RNF135: variants seen among roughly 807,000 people sequenced by gnomAD.
The protein encoded by RNF135 is ring finger protein 135.
A neutral mutation model predicts 41.9 loss-of-function variants in RNF135; 46 were observed. That is an observed-to-expected ratio of 1.10 (90% CI 0.87 to 1.40). The LOEUF (loss-of-function observed/expected upper bound fraction) is 1.40. RNF135 is among the 40% of genes most tolerant of loss of function. The probability of loss-of-function intolerance (pLI) is 0.00; values close to 1 mark genes in which losing one functional copy is unlikely to be tolerated. For synonymous variants in RNF135, 238 were observed against 223.8 expected, an observed-to-expected ratio of 1.06 and a Z score of -0.57; for missense variants, 539 against 549.8, an observed-to-expected ratio of 0.98 and a Z score of 0.20.
intron 1 of RNF135, among the ~76,000 whole-genome samples, chr17:30,976,326 T>C (rs1260053403): frequency 6.6e-6 from 1 of 152,230 alleles, no homozygotes; most frequent in East Asian, 1.9e-4. Flanking sequence ...TTTTGAATGT[T>C]TTAAGACTTG....
At position 30,999,170 on chromosome 17, in the gene RNF135, A is replaced by T; in HGVS notation, c.1278A>T (p.Ile426=). The change falls in exon 5 of 5, where the codon ATA becomes ATT. Residue 426 remains isoleucine (I), a synonymous_variant. Transcript: ENST00000328381. ...GCTTACATCCTGGAAATTACCTGAT[A>T]ATAAAGCAAGTAAAGGTGTAAGGTT... ...LYGLHPGNYL[I]IKQVKV 1 of 1,613,934 alleles carries T rather than the reference A, an allele frequency of 6.2e-7. No homozygotes were observed.
chr17:30,985,126 G>T (rs1029019097), intron 2 of RNF135, among the ~76,000 whole-genome samples: 7 of 152,228 alleles, frequency 4.6e-5, no homozygotes, highest in Admixed American at 4.6e-4. Flanking sequence ...GAATCTTTTG[G>T]CTTTCCCCCA....
At position 30,971,254 on chromosome 17, in the gene RNF135, A is replaced by G. The variant is rs773836582; in HGVS notation, c.181A>G (p.Thr61Ala). The G allele has an allele frequency of 1.3e-6, 2 of 1,522,048 alleles. No individual in the cohort carries two copies. The highest frequency in any genetic ancestry group is 1.2e-5 in the South Asian group (1 of 82,188). The allele number at this position is 1,522,048 out of a possible 1,614,324, so 94.3% of individuals were successfully genotyped here. A position where few individuals can be genotyped will look rare whatever the true frequency, so the allele number is the denominator to read the frequency against. ...CGACGCCCGCCGCTGGGCCTGCCCC[A>G]CTTGCCGCCAGGGCGCCGCGCAGCA... Reference protein sequence around the residue: ...ARDARRWACPTCRQGAAQQPH... With the variant: ...ARDARRWACPACRQGAAQQPH... Residue 61 changes from threonine (T) to alanine (A), a missense_variant, in exon 1 of 5, where the codon ACT (threonine) becomes GCT (alanine). Physicochemically the swap from Thr to Ala is moderately conservative, Grantham distance 58. This residue lies in a region of RNF135 where 277 missense variants were observed against 212.8 expected (regional missense o/e 1.30). Coordinates refer to ENST00000328381, the MANE Select transcript of RNF135 (RefSeq NM_032322.4).
At chr17:30,996,491 G>A (rs978665875) in intron 3 of RNF135, among the ~76,000 whole-genome samples, 9 of 152,112 alleles carry the variant, frequency 5.9e-5, no homozygotes, top group South Asian at 2.1e-4. Context: ...CTTCAGTTCC[G>A]AGTTGAATTT....
chr17:30,975,292 C>A, intron 1 of RNF135: 1 of 599,950 alleles, frequency 1.7e-6, no homozygotes, highest in African/African-American at 1.8e-5. Flanking sequence ...CACTGCACTC[C>A]AGCCTGGGCA....
chr17:30,983,338 TATA>T (rs1907318940), intron 1 of RNF135, among the ~76,000 whole-genome samples: 8 of 30,748 alleles, frequency 2.6e-4, no homozygotes, highest in African/African-American at 3.3e-4. Flanking sequence ...TATATATATA[TATA>T]TATATATATA....
intron 3 of RNF135, among the ~76,000 whole-genome samples, chr17:30,989,722 C>T (rs1907852400): frequency 6.6e-6 from 1 of 151,966 alleles, no homozygotes; most frequent in Non-Finnish European, 1.5e-5. Flanking sequence ...CATTTCTGGC[C>T]AGTGCAGTGG....
At position 30,971,234 on chromosome 17, in the gene RNF135, C is replaced by T. The variant is rs1198525809; in HGVS notation, c.161C>T (p.Ala54Val). The change falls in exon 1 of 5, where the codon GCC becomes GTC. Residue 54 changes from alanine to valine, a missense_variant. Physicochemically the swap from Ala to Val is moderately conservative, Grantham distance 64. Around this residue, in one of 2 missense-constraint regions of RNF135, gnomAD observed 277 missense variants for 212.8 expected, o/e 1.30. Coordinates refer to ENST00000328381, the MANE Select transcript of RNF135 (RefSeq NM_032322.4). ...GAGGCCCTGTGGGGCGCCCGCGACG[C>T]CCGCCGCTGGGCCTGCCCCACTTGC... ...CLEALWGARD[A>V]RRWACPTCRQ... 3.3e-6 allele frequency: 5 copies of T among 1,514,376 alleles called. No individual in the cohort carries two copies. The African/African-American group carries it at 5.8e-5, about 17-fold the overall frequency. The allele number at this position is 1,514,376 out of a possible 1,614,324, so 93.8% of individuals were successfully genotyped here.
chr17:30,983,623 G>A (rs1300546903), intron 1 of RNF135, among the ~76,000 whole-genome samples: 1 of 151,424 alleles, frequency 6.6e-6, no homozygotes, highest in Non-Finnish European at 1.5e-5. Flanking sequence ...CAAAGTGCTG[G>A]GATTACAGCC....
At chr17:30,994,930 G>A (rs765317760) in intron 3 of RNF135, among the ~76,000 whole-genome samples, 14 of 150,318 alleles carry the variant, frequency 9.3e-5, no homozygotes, top group Non-Finnish European at 1.6e-4. Context: ...GAGCCACCAC[G>A]CCTGGACTGT....
intron 1 of RNF135, chr17:30,971,805 A>ACGGAGT: frequency 2.3e-6 from 2 of 880,562 alleles, no homozygotes; most frequent in Non-Finnish European, 2.8e-6. Flanking sequence ...TTTCTTTGAG[A>ACGGAGT]CGGAGTCTCG....
chr17:30,971,861 G>T (rs1258513292), intron 1 of RNF135: 7 of 320,098 alleles, frequency 2.2e-5, no homozygotes, highest in Non-Finnish European at 3.2e-5. Flanking sequence ...GCGTGATCTC[G>T]GCTCACTGCA....
Position 30,971,419 on chromosome 17 carries a change from C to T in RNF135, c.346C>T (p.Pro116Ser), listed in dbSNP as rs765680585. ...SSSLSSAAAR[P>S]RRRPELQRVA... ...TTCCCTCTCCAGCGCGGCCGCGAGG[C>T]CCCGGCGCCGCCCGGAACTGCAGCG... The change falls in exon 1 of 5, where the codon CCC becomes TCC. Residue 116 changes from proline to serine, a missense_variant. Pro to Ser is a moderately conservative substitution (Grantham distance 74, BLOSUM62 -1). Transcript: ENST00000328381. 21 of 1,515,850 alleles carry T rather than the reference C, an allele frequency of 1.4e-5. No homozygotes were observed. The South Asian group carries it at 1.8e-4, about 13-fold the overall frequency. 93.9% of individuals were successfully genotyped at this position (1,515,850 alleles called of 1,614,324 possible). A position where few individuals can be genotyped will look rare whatever the true frequency, so the allele number is the denominator to read the frequency against.
chr17:30,991,675 AAGTGCT>A (rs1262617753), intron 3 of RNF135, among the ~76,000 whole-genome samples: 1 of 151,854 alleles, frequency 6.6e-6, no homozygotes, highest in Non-Finnish European at 1.5e-5. Flanking sequence ...CGGTCTCCCA[AAGTGCT>A]GGGATTACAG....
chr17:30,970,831 T>G, upstream of RNF135: 1 of 569,678 alleles, frequency 1.8e-6, no homozygotes, highest in Non-Finnish European at 3.0e-6. Context: ...GCTCGCGGCA[T>G]GTTGGTTTCC....
chr17:30,994,883 C>T (rs535748786), intron 3 of RNF135, among the ~76,000 whole-genome samples: 19 of 151,584 alleles, frequency 1.3e-4, no homozygotes, highest in African/African-American at 4.6e-4. Flanking sequence ...GGTGATCCAC[C>T]CGTCTCGGCC....
chr17:30,964,125 C>T, the RNF135 span, among the ~76,000 whole-genome samples: 1 of 151,956 alleles, frequency 6.6e-6, no homozygotes, highest in Admixed American at 6.6e-5. Flanking sequence ...CGGTGGCTCA[C>T]GCCTGTAATC....
At position 30,999,376 on chromosome 17, in the gene RNF135, G is replaced by T; in HGVS notation, c.*185G>T. 6.2e-6 allele frequency: 4 copies of T among 650,116 alleles called. No individual in the cohort carries two copies. The highest frequency in any genetic ancestry group is 4.2e-4 in the Middle Eastern group (1 of 2,378). The allele number at this position is 650,116 out of a possible 1,614,324, so 40.3% of individuals were successfully genotyped here. On this transcript the variant is annotated 3_prime_UTR_variant, in exon 5 of 5. Transcript: ENST00000328381. ...CAGTCCTCCCACCTCAGCCTCCCAA[G>T]GTGCTGGGATTACAGGTGTGAGCCA...
In RNF135 at chr17:30,993,485, A is replaced by G. The variant is rs569411362; in HGVS notation, c.680-3757A>G. Among the ~76,000 whole-genome samples the G allele has an allele frequency of 6.2e-4, 95 of 152,214 alleles. 1 individual carries two copies. Among genetic ancestry groups the G allele is most frequent in the South Asian group, 2.1e-3 (10 of 4,822 alleles). The stretch of plus-strand genomic sequence containing the variant: ...CTCCCAAAGTGCTGGGATTACAGGC[A>G]TGAGCCACCATACCGAGCCCCTAGT... On this transcript the variant is annotated intron_variant, in intron 3 of 4. Transcript: ENST00000328381.
Sources: gnomAD v4.1 joint callset for allele counts (sites outside exome capture counted in the v4.1 genomes callset) on GRCh38, gnomAD v4.1.1 for gene constraint, gnomAD v4.1.1 regional missense constraint, MANE v1.5 for transcripts, NCBI Gene and HGNC (gene_info 2026-07-23, HGNC 2026-07-21) for gene names.